DACH2: variants seen among roughly 807,000 people sequenced by gnomAD.
DACH2 encodes dachshund family transcription factor 2.
DACH2 carries 17 observed loss-of-function variants against 35.8 expected under a neutral mutation model. The observed-to-expected ratio is 0.48, with a 90% CI of 0.33 to 0.71. The LOEUF (loss-of-function observed/expected upper bound fraction) is 0.71, where lower values mean the gene tolerates loss of function less well. Ranked by LOEUF, DACH2 falls within the 30% of genes least tolerant of loss-of-function variation. The pLI is 0.02. For synonymous variants in DACH2, 195 were observed against 177.3 expected, an observed-to-expected ratio of 1.10 and a Z score of -0.79; for missense variants, 469 against 472.7, an observed-to-expected ratio of 0.99 and a Z score of 0.07.
chrX:86,636,571 C>A (rs56072237), intron 3 of DACH2, among the ~76,000 whole-genome samples: 13,901 of 111,106 alleles, frequency 0.13, 751 homozygotes, highest in East Asian at 0.32. Context: ...CTACAACTAC[C>A]TGATCTTTGA....
At chrX:86,565,528 C>T (rs934207555) in intron 3 of DACH2, among the ~76,000 whole-genome samples, 1 of 111,598 alleles carries the variant, frequency 9.0e-6, no homozygotes, top group African/African-American at 3.3e-5. Flanking sequence ...GGATAGTAAA[C>T]TTTGAGAACC....
intron 6 of DACH2, among the ~76,000 whole-genome samples, chrX:86,717,355 A>G (rs991060787): frequency 9.0e-6 from 1 of 111,189 alleles, no homozygotes; most frequent in African/African-American, 3.3e-5. Context: ...CTGACTTGTT[A>G]TGCTTAAGAT....
rs900968017 is a variant in DACH2, at chrX:86,801,012, GA to G, written c.1241-11836del. Among the ~76,000 whole-genome samples, 109 of 110,414 alleles carry G rather than the reference GA, an allele frequency of 9.9e-4. 1 individual carries two copies. The highest frequency in any genetic ancestry group is 9.3e-3 in the Middle Eastern group (2 of 216). On this transcript the variant is annotated intron_variant, in intron 7 of 11. Coordinates refer to ENST00000373125, the MANE Select transcript of DACH2 (RefSeq NM_053281.3). ...TTAATGTCTATATTACACAGGACAA[GA>G]AAAAAAATGTGAAAATTGCAGTGCT...
chrX:86,361,584 A>C (rs915572882), intron 1 of DACH2, among the ~76,000 whole-genome samples: 6 of 111,552 alleles, frequency 5.4e-5, no homozygotes, highest in African/African-American at 1.9e-4. Context: ...TTTATTTGCA[A>C]GTTGACAAGA....
chrX:86,342,081 C>G (rs1240772307), intron 1 of DACH2, among the ~76,000 whole-genome samples: 3 of 111,760 alleles, frequency 2.7e-5, no homozygotes, highest in African/African-American at 9.8e-5. Context: ...TTTGAGAGGA[C>G]TGAATCCAAT....
chrX:86,500,777 A>G (rs183479222), intron 2 of DACH2, among the ~76,000 whole-genome samples: 28 of 112,099 alleles, frequency 2.5e-4, no homozygotes, highest in East Asian at 2.3e-3. Flanking sequence ...AAATTTAATG[A>G]CCATACTATT....
intron 1 of DACH2, among the ~76,000 whole-genome samples, chrX:86,287,161 T>C (rs1489864918): frequency 1.4e-5 from 1 of 70,295 alleles, no homozygotes; most frequent in Non-Finnish European, 2.5e-5. Context: ...TATGCTATTC[T>C]AGGGTAAATA....
intron 1 of DACH2, among the ~76,000 whole-genome samples, chrX:86,156,729 T>A (rs1464009472): frequency 9.0e-6 from 1 of 111,373 alleles, no homozygotes; most frequent in Admixed American, 9.6e-5. Context: ...TTATACTACT[T>A]GATATGAACA....
intron 1 of DACH2, among the ~76,000 whole-genome samples, chrX:86,282,609 G>T (rs2034054038): frequency 9.1e-6 from 1 of 110,402 alleles, no homozygotes; most frequent in Non-Finnish European, 1.9e-5. Flanking sequence ...AACACCAAAA[G>T]CCCTTAGAGT....
At chrX:86,161,410 A>G (rs771034679) in intron 1 of DACH2, 155 of 686,999 alleles carry the variant, frequency 2.3e-4, no homozygotes, top group Non-Finnish European at 2.9e-4. Flanking sequence ...GGCAAATTAC[A>G]TGAGGCCAGT....
At position 86,790,942 on chromosome X, in the gene DACH2, G is replaced by A. The variant is rs552021182; in HGVS notation, c.1241-21914G>A. ...TGTAAATTTTCAATTAACATATATC[G>A]TATGTTACATGTATTATATACTGCA... On this transcript the variant is annotated intron_variant, in intron 7 of 11. Coordinates refer to ENST00000373125, the MANE Select transcript of DACH2 (RefSeq NM_053281.3). Among the ~76,000 whole-genome samples the A allele has an allele frequency of 6.3e-5, 7 of 111,730 alleles. No individual in the cohort carries two copies. In the South Asian group the frequency reaches 1.5e-3, roughly 24 times the overall value.
chrX:86,634,937 A>G (rs1344404673), intron 3 of DACH2, among the ~76,000 whole-genome samples: 3 of 111,582 alleles, frequency 2.7e-5, no homozygotes, highest in Non-Finnish European at 3.8e-5. Flanking sequence ...CTAGATATAA[A>G]AAGAAGAGCT....
chrX:86,585,629 T>C (rs2039560800), intron 3 of DACH2, among the ~76,000 whole-genome samples: 1 of 111,216 alleles, frequency 9.0e-6, no homozygotes, highest in African/African-American at 3.3e-5. Context: ...TGCTCATTGG[T>C]TAGCTCTCAC....
intron 2 of DACH2, among the ~76,000 whole-genome samples, chrX:86,422,344 TTTAC>T (rs1459285178): frequency 1.8e-5 from 2 of 111,257 alleles, no homozygotes; most frequent in African/African-American, 6.5e-5. Flanking sequence ...AATTCCATTA[TTTAC>T]TTACTTTGTC....
intron 3 of DACH2, among the ~76,000 whole-genome samples, chrX:86,514,997 G>A (rs1231918534): frequency 9.0e-6 from 1 of 110,869 alleles, no homozygotes; most frequent in Non-Finnish European, 1.9e-5. Context: ...GTACCTGAGA[G>A]TACACAAAAA....
chrX:86,423,655 T>TTAAC (rs1200875984), intron 2 of DACH2, among the ~76,000 whole-genome samples: 1 of 110,527 alleles, frequency 9.0e-6, no homozygotes, highest in Non-Finnish European at 1.9e-5. Flanking sequence ...CAGAAGCTTT[T>TTAAC]TAACTTGATG....
chrX:86,759,396 G>A (rs2041858128), intron 7 of DACH2, among the ~76,000 whole-genome samples: 2 of 110,749 alleles, frequency 1.8e-5, no homozygotes, highest in African/African-American at 6.6e-5. Flanking sequence ...TTCTCTCTTT[G>A]TTGCTTTTGA....
At chrX:86,331,347 T>G (rs2148049157) in intron 1 of DACH2, among the ~76,000 whole-genome samples, 1 of 111,209 alleles carries the variant, frequency 9.0e-6, no homozygotes, top group South Asian at 3.8e-4. Flanking sequence ...GGCTTTAAAA[T>G]AACAGCAGGG....
At chrX:86,211,577 TAAAGA>T (rs1381575051) in intron 1 of DACH2, among the ~76,000 whole-genome samples, 1 of 111,278 alleles carries the variant, frequency 9.0e-6, no homozygotes, top group African/African-American at 3.3e-5. Flanking sequence ...AAATCTAAAT[TAAAGA>T]AAAGGAGGTC....
Sources: allele counts gnomAD v4.1 joint callset (sites outside exome capture counted in the v4.1 genomes callset), GRCh38; gene constraint gnomAD v4.1.1; transcripts MANE v1.5; gene names NCBI Gene and HGNC (gene_info 2026-07-23, HGNC 2026-07-21).